Variants in TIAM2 observed in about 807,000 individuals in gnomAD.
The protein encoded by TIAM2 is rho guanine nucleotide exchange factor TIAM2.
Under a neutral mutation model 152.9 loss-of-function variants are expected in TIAM2, and 80 were observed. The ratio of observed to expected loss-of-function variants is 0.52; its 90% CI spans 0.44 to 0.63. TIAM2 has a LOEUF of 0.63. Ranked by LOEUF, TIAM2 falls within the 30% of genes least tolerant of loss-of-function variation. The probability of loss-of-function intolerance (pLI) is 0.00; values close to 1 mark genes in which losing one functional copy is unlikely to be tolerated. For missense variants in TIAM2, 1,965 were observed against 2,120.1 expected, an observed-to-expected ratio of 0.93 and a Z score of 1.44; for synonymous variants, 804 against 838.0, an observed-to-expected ratio of 0.96 and a Z score of 0.70.
chr6:155,249,415 C>T (rs922453272), intron 20 of TIAM2, among the ~76,000 whole-genome samples: 1 of 152,216 alleles, frequency 6.6e-6, no homozygotes, highest in Admixed American at 6.5e-5. Flanking sequence ...GGTTTGAAGC[C>T]TGGCTCCATT....
intron 9 of TIAM2, among the ~76,000 whole-genome samples, chr6:155,167,586 T>C (rs1780476724): frequency 1.3e-5 from 2 of 152,234 alleles, no homozygotes; most frequent in African/African-American, 4.8e-5. Context: ...GAAATGTATT[T>C]CCTCATTATT....
intron 2 of TIAM2, among the ~76,000 whole-genome samples, chr6:155,093,269 C>T (rs1022727761): frequency 6.6e-6 from 1 of 152,224 alleles, no homozygotes. Flanking sequence ...ACACTCCTGG[C>T]ATGGTGCCTA....
chr6:155,140,573 T>TGAGAGAGAGA (rs57939338), intron 5 of TIAM2, among the ~76,000 whole-genome samples: 65 of 107,468 alleles, frequency 6.0e-4, no homozygotes, highest in East Asian at 1.0e-3. Flanking sequence ...TGTGTGTGTG[T>TGAGAGAGAGA]GAGAGAGAGA....
chr6:155,139,162 G>T (rs992294807), intron 5 of TIAM2, among the ~76,000 whole-genome samples: 3 of 152,210 alleles, frequency 2.0e-5, no homozygotes, highest in Non-Finnish European at 4.4e-5. Flanking sequence ...CGTGTGCAAT[G>T]TCCAGTGCCC....
chr6:155,215,696 G>T (rs1179428711), intron 15 of TIAM2, among the ~76,000 whole-genome samples: 2 of 136,532 alleles, frequency 1.5e-5, no homozygotes, highest in African/African-American at 5.4e-5. Context: ...TTTTTTTTCT[G>T]TTCCGTGGTT....
chr6:155,244,463 T>C (rs1392288518), intron 17 of TIAM2, among the ~76,000 whole-genome samples, 195 bp from the exon 18 acceptor site: 1 of 152,234 alleles, frequency 6.6e-6, no homozygotes, highest in Non-Finnish European at 1.5e-5. Context: ...TAGAGAATTA[T>C]GGGGGATGGA....
chr6:155,008,332 T>C (rs1379368603), intron 1 of TIAM2, among the ~76,000 whole-genome samples: 2 of 152,200 alleles, frequency 1.3e-5, no homozygotes, highest in African/African-American at 2.4e-5. Flanking sequence ...GTGCCTCTTA[T>C]GTATATATTA....
intron 2 of TIAM2, among the ~76,000 whole-genome samples, chr6:155,122,478 A>T (rs1272998293): frequency 1.3e-5 from 2 of 151,524 alleles, no homozygotes; most frequent in African/African-American, 4.9e-5. Context: ...GGAGAATGGA[A>T]GGTAGGATTT....
chr6:155,128,685 A>AC (rs1159066407), intron 3 of TIAM2, among the ~76,000 whole-genome samples: 1 of 141,792 alleles, frequency 7.1e-6, no homozygotes, highest in African/African-American at 2.8e-5. Flanking sequence ...ACAGAGTGAG[A>AC]CCCCATATCT....
chr6:155,178,287 G>C (rs569178805), intron 10 of TIAM2, among the ~76,000 whole-genome samples: 1 of 151,602 alleles, frequency 6.6e-6, no homozygotes, highest in Non-Finnish European at 1.5e-5. Context: ...GTGTGTGTGC[G>C]TACACATTTT....
intron 16 of TIAM2, among the ~76,000 whole-genome samples, chr6:155,241,959 G>A (rs370861283): frequency 1.3e-5 from 2 of 152,172 alleles, no homozygotes; most frequent in Non-Finnish European, 2.9e-5. Flanking sequence ...GAGGAGAATC[G>A]ATGTCCCTTT....
At chr6:155,222,322 G>T (rs1177318229) in intron 15 of TIAM2, among the ~76,000 whole-genome samples, 1 of 118 alleles carries the variant, frequency 8.5e-3, no homozygotes, top group African/African-American at 0.05. Context: ...CACATGGGTT[G>T]GGTGGGCGTG....
At chr6:155,122,850 T>C (rs1779202927) in intron 2 of TIAM2, among the ~76,000 whole-genome samples, 1 of 62,614 alleles carries the variant, frequency 1.6e-5, no homozygotes, top group African/African-American at 1.6e-4. Context: ...TTTAAAGTAC[T>C]TTTTTTTTTT....
chr6:155,042,550 T>C lies in TIAM2; in HGVS notation c.-209+47058T>C, dbSNP rs1777072654. On this transcript the variant is annotated intron_variant, in intron 1 of 26. Transcript: ENST00000682666. The stretch of plus-strand genomic sequence containing the variant: ...AGGCGGAGGTTGCTGTGAGCTGGGA[T>C]CGCGCCGCTGCAGTCCAGCCTGTGT... Among the ~76,000 whole-genome samples, 3 of 152,136 alleles carry C rather than the reference T, an allele frequency of 2.0e-5. No individual in the cohort carries two copies. In the South Asian group the frequency reaches 6.2e-4, roughly 31 times the overall value.
intron 22 of TIAM2, 72 bp downstream of exon 22, chr6:155,251,093 C>T (rs1783627737): frequency 2.3e-6 from 3 of 1,309,508 alleles, no homozygotes; most frequent in African/African-American, 2.9e-5. Context: ...CTAGCCGCAC[C>T]AGTCCAGCTC....
In TIAM2 at chr6:155,029,505, A is replaced by T. The variant is rs1366732382; in HGVS notation, c.-209+34013A>T. On this transcript the variant is annotated intron_variant, in intron 1 of 26. Transcript: ENST00000682666. ...ATATACTATAGTATATATTATATAT[A>T]ATATATACTATATATTATAGTATAG... 1.8e-4 allele frequency among the ~76,000 whole-genome samples: 5 copies of T among 28,336 alleles called. 1 individual carries two copies. Among genetic ancestry groups the T allele is most frequent in the African/African-American group, 5.5e-4 (4 of 7,228 alleles). The allele number at this position is 28,336 out of a possible 152,430, so 18.6% of individuals were successfully genotyped here. A position where few individuals can be genotyped will look rare whatever the true frequency, so the allele number is the denominator to read the frequency against.
At chr6:155,083,350 A>T (rs896364337) in intron 1 of TIAM2, among the ~76,000 whole-genome samples, 33 of 80,770 alleles carry the variant, frequency 4.1e-4, no homozygotes, top group Non-Finnish European at 6.8e-4. Context: ...CTTTATCTCA[A>T]AAAAAAAAAA....
intron 1 of TIAM2, among the ~76,000 whole-genome samples, chr6:155,040,780 A>C (rs1777011780): frequency 6.6e-6 from 1 of 152,152 alleles, no homozygotes; most frequent in South Asian, 2.1e-4. Flanking sequence ...TGGCCTCCCA[A>C]AGTGCTGGGA....
chr6:155,244,868 A>C (rs546520977), intron 18 of TIAM2, 85 bp downstream of exon 18: 1 of 1,442,614 alleles, frequency 6.9e-7, no homozygotes, highest in Admixed American at 2.3e-5. Context: ...ATGAGAAAGA[A>C]TTTCTTGTCC....
Sources: allele counts gnomAD v4.1 joint callset (sites outside exome capture counted in the v4.1 genomes callset), GRCh38; gene constraint gnomAD v4.1.1; transcripts MANE v1.5; gene names NCBI Gene and HGNC (gene_info 2026-07-23, HGNC 2026-07-21).